STOX1: variants seen among roughly 807,000 people sequenced by gnomAD.
STOX1 encodes storkhead-box protein 1.
In STOX1, 57 loss-of-function variants were observed where a neutral mutation model predicts 74.8. The ratio of observed to expected loss-of-function variants is 0.76; its 90% CI spans 0.62 to 0.95. The LOEUF is 0.95. Among genes scored for constraint, STOX1 ranks in the 40% least tolerant of loss-of-function variants. STOX1 has a pLI of 0.00. For synonymous variants in STOX1, 375 were observed against 401.3 expected (o/e 0.93, Z 0.78); for missense variants, 1,010 against 1,117.0 (o/e 0.90, Z 1.37).
chr10:68,892,001 A>G (rs1213862349), intron 3 of STOX1, among the ~76,000 whole-genome samples: 3 of 151,614 alleles, frequency 2.0e-5, no homozygotes, highest in African/African-American at 7.3e-5. Context: ...TTGTATTTTT[A>G]GTAGAGACAG....
intron 1 of STOX1, among the ~76,000 whole-genome samples, chr10:68,861,042 C>T (rs1273383746): frequency 6.6e-6 from 1 of 152,056 alleles, no homozygotes; most frequent in Non-Finnish European, 1.5e-5. Context: ...AACCCTGTCT[C>T]TACTAAAAAT....
intron 1 of STOX1, among the ~76,000 whole-genome samples, chr10:68,863,733 A>G (rs551068363): frequency 1.3e-5 from 2 of 152,212 alleles, no homozygotes; most frequent in African/African-American, 4.8e-5. Flanking sequence ...GCTCATCTGT[A>G]TGGAATCGTA....
At chr10:68,894,744 T>G (rs1343243642), downstream of STOX1, among the ~76,000 whole-genome samples, 1 of 152,136 alleles carries the variant, frequency 6.6e-6, no homozygotes, top group Non-Finnish European at 1.5e-5. Context: ...AAAAAAATTT[T>G]TTTGAGACGG....
intron 1 of STOX1, among the ~76,000 whole-genome samples, chr10:68,840,249 ATGACATAGATTT>A (rs1214609691): frequency 6.6e-6 from 1 of 152,250 alleles, no homozygotes; most frequent in African/African-American, 2.4e-5. Context: ...GAAAAGCTTA[ATGACATAGATTT>A]TGACAATGAT....
At chr10:68,893,118 A>C (rs942419065), downstream of STOX1, 9 of 199,246 alleles carry the variant, frequency 4.5e-5, no homozygotes, top group South Asian at 7.3e-4. Flanking sequence ...AGTTAAGTGG[A>C]TCTCACCAGA....
intron 3 of STOX1, among the ~76,000 whole-genome samples, chr10:68,890,649 C>CTTTTTT (rs11366165): frequency 2.6e-4 from 30 of 117,348 alleles, no homozygotes; most frequent in East Asian, 4.5e-4. Flanking sequence ...AAGACCTTTT[C>CTTTTTT]TTTTTTTTTT....
chr10:68,884,948 C>T lies in STOX1; in HGVS notation c.1152C>T (p.Tyr384=), dbSNP rs201637690. 1.2e-4 allele frequency: 191 copies of T among 1,613,896 alleles called. No individual in the cohort carries two copies. Among genetic ancestry groups the T allele is most frequent in the Admixed American group, 3.8e-4 (23 of 59,958 alleles). The change falls in exon 3 of 4, where the codon TAC becomes TAT. Residue 384 remains tyrosine, a synonymous_variant. Coordinates refer to ENST00000298596, the MANE Select transcript of STOX1 (RefSeq NM_152709.5). ...AACACACTGTCCTAATGCAAAAATA[C>T]GAAGAACAGAAAAAATATAATAGCC... ...LIKHTVLMQK[Y]EEQKKYNSQG...
At chr10:68,865,263 G>T (rs1384829102) in intron 1 of STOX1, among the ~76,000 whole-genome samples, 2 of 152,242 alleles carry the variant, frequency 1.3e-5, no homozygotes, top group Non-Finnish European at 2.9e-5. Context: ...GCTGCAGGTT[G>T]TTTACCGCAG....
chr10:68,853,221 G>A (rs749458968), intron 1 of STOX1, among the ~76,000 whole-genome samples: 5 of 151,990 alleles, frequency 3.3e-5, no homozygotes, highest in African/African-American at 9.7e-5. Flanking sequence ...CACTGTGCCC[G>A]GCCGGTCATT....
chr10:68,858,948 C>T (rs948903514), intron 1 of STOX1, among the ~76,000 whole-genome samples: 1 of 152,038 alleles, frequency 6.6e-6, no homozygotes, highest in Non-Finnish European at 1.5e-5. Flanking sequence ...GAGCCCTATC[C>T]CAGCTCCTGT....
rs573777098 is a variant in STOX1 at position 68,871,316 on chromosome 10, C to A, written c.311-10642C>A. Among the ~76,000 whole-genome samples the A allele has an allele frequency of 2.0e-5, 3 of 152,340 alleles. No individual in the cohort carries two copies. The East Asian group carries it at 5.8e-4, about 29-fold the overall frequency. ...CCTGTCTTCTTGGTGTATCAGTGTG[C>A]TGACAACCAAATTGTGGGGTCTGTT... On this transcript the variant is annotated intron_variant, in intron 1 of 3. Transcript: ENST00000298596.
rs748944339 is a variant in STOX1 at position 68,885,059 on chromosome 10, A to G, written c.1263A>G (p.Lys421=). Residue 421 remains lysine (K), a synonymous_variant, in exon 3 of 4, where the codon AAA becomes AAG. Transcript: ENST00000298596. ...AGAAAAGGCAGGGTCTGTCTGCAAA[A>G]CCTCAAGGGCAGGGCCATTCTCGAA... ...GVKKRQGLSA[K]PQGQGHSRRD... 6.2e-7 allele frequency: 1 copy of G among 1,614,090 alleles called. No individual in the cohort carries two copies. The highest frequency in any genetic ancestry group is 1.7e-5 in the Admixed American group (1 of 60,004).
At chr10:68,875,670 T>C (rs1435587707) in intron 1 of STOX1, among the ~76,000 whole-genome samples, 2 of 152,166 alleles carry the variant, frequency 1.3e-5, no homozygotes, top group Non-Finnish European at 1.5e-5. Context: ...CTCAGAACTT[T>C]GATGAGGTCT....
intron 1 of STOX1, among the ~76,000 whole-genome samples, chr10:68,866,528 T>C (rs1149683): frequency 0.65 from 99,044 of 152,126 alleles, 32,606 homozygotes; most frequent in East Asian, 0.9. Flanking sequence ...TCAGAAGCTG[T>C]GCTATACACT....
chr10:68,889,900 G>T (rs754987614), intron 3 of STOX1, among the ~76,000 whole-genome samples: 1 of 151,652 alleles, frequency 6.6e-6, no homozygotes, highest in African/African-American at 2.4e-5. Context: ...CTCCTGAGTG[G>T]CTGGGACTAC....
At chr10:68,892,476 C>T in intron 3 of STOX1, 113 bp from the exon 4 acceptor site, 1 of 984,874 alleles carries the variant, frequency 1.0e-6, no homozygotes, top group South Asian at 1.4e-5. Flanking sequence ...GATAAGTGTA[C>T]CTTTGTATTA....
chr10:68,838,342 C>T (rs1288500063), intron 1 of STOX1, among the ~76,000 whole-genome samples: 2 of 152,164 alleles, frequency 1.3e-5, no homozygotes, highest in Non-Finnish European at 2.9e-5. Flanking sequence ...GATGCGATTA[C>T]AGGCGTGAGC....
At chr10:68,894,415 C>T (rs1841156404), downstream of STOX1, among the ~76,000 whole-genome samples, 1 of 152,104 alleles carries the variant, frequency 6.6e-6, no homozygotes, top group Non-Finnish European at 1.5e-5. Context: ...GAGAGAAGCC[C>T]GGCACTGGAG....
chr10:68,846,115 GGTTTTTATT>G (rs1839840677), intron 1 of STOX1, among the ~76,000 whole-genome samples: 2 of 88,544 alleles, frequency 2.3e-5, no homozygotes, highest in Non-Finnish European at 4.8e-5. Context: ...TATGGCTTGA[GGTTTTTATT>G]ATTATTATTA....
Sources: allele counts gnomAD v4.1 joint callset (sites outside exome capture counted in the v4.1 genomes callset), GRCh38; gene constraint gnomAD v4.1.1; transcripts MANE v1.5; gene names NCBI Gene and HGNC (gene_info 2026-07-23, HGNC 2026-07-21).